Variants in PARD3B observed in about 807,000 individuals in gnomAD.
The protein encoded by PARD3B is partitioning defective 3 homolog B.
In PARD3B, 103 loss-of-function variants were observed where a neutral mutation model predicts 130.2. The observed-to-expected ratio is 0.79, with a 90% confidence interval of 0.67 to 0.93. The LOEUF (loss-of-function observed/expected upper bound fraction) is 0.93, where lower values mean the gene tolerates loss of function less well. Among genes scored for constraint, PARD3B ranks in the 40% least tolerant of loss-of-function variants. The probability of loss-of-function intolerance (pLI) is 0.00; values close to 1 mark genes in which losing one functional copy is unlikely to be tolerated. For synonymous variants in PARD3B, 583 were observed against 553.2 expected (o/e 1.05, Z -0.76); for missense variants, 1,609 against 1,499.2 (o/e 1.07, Z -1.21).
intron 2 of PARD3B, among the ~76,000 whole-genome samples, chr2:204,936,837 G>A (rs1346634765): frequency 2.0e-5 from 3 of 152,198 alleles, no homozygotes; most frequent in South Asian, 4.1e-4. Context: ...TGCCATATGG[G>A]CATGAAACCG....
intron 3 of PARD3B, among the ~76,000 whole-genome samples, chr2:205,036,307 AT>A (rs1697876676): frequency 6.8e-6 from 1 of 147,350 alleles, no homozygotes; most frequent in Non-Finnish European, 1.5e-5. Flanking sequence ...ATATATAAAA[AT>A]ATATGTATAT....
intron 22 of PARD3B, among the ~76,000 whole-genome samples, chr2:205,573,470 G>T (rs12999840): frequency 1.4e-3 from 209 of 152,126 alleles, no homozygotes; most frequent in Non-Finnish European, 2.6e-3. Context: ...CCAATGGATG[G>T]CACATAGAGA....
At chr2:205,216,511 A>G (rs1473368643) in intron 15 of PARD3B, among the ~76,000 whole-genome samples, 1 of 152,206 alleles carries the variant, frequency 6.6e-6, no homozygotes, top group Non-Finnish European at 1.5e-5. Context: ...CACATATAAT[A>G]AAATCAATTG....
chr2:205,196,327 G>A (rs1210916891), intron 15 of PARD3B, among the ~76,000 whole-genome samples: 1 of 152,068 alleles, frequency 6.6e-6, no homozygotes, highest in Non-Finnish European at 1.5e-5. Context: ...TTCTTTTGTT[G>A]TTGTTTTGGT....
intron 3 of PARD3B, among the ~76,000 whole-genome samples, chr2:205,017,547 G>A (rs992038556): frequency 6.6e-6 from 1 of 152,018 alleles, no homozygotes; most frequent in African/African-American, 2.4e-5. Context: ...TGCACTCATT[G>A]TTTTCTACTT....
intron 3 of PARD3B, among the ~76,000 whole-genome samples, chr2:204,997,180 G>A (rs1389846378): frequency 6.6e-6 from 1 of 152,184 alleles, no homozygotes; most frequent in East Asian, 1.9e-4. Flanking sequence ...ATCTGTCAGG[G>A]TAGGTTCCTG....
At chr2:204,915,673 G>C (rs1211398636) in intron 2 of PARD3B, among the ~76,000 whole-genome samples, 2 of 152,128 alleles carry the variant, frequency 1.3e-5, no homozygotes, top group Admixed American at 1.3e-4. Context: ...CAAGTTCTGA[G>C]TCACATATCT....
intron 1 of PARD3B, among the ~76,000 whole-genome samples, chr2:204,592,214 C>T (rs1559173681): frequency 6.6e-6 from 1 of 152,204 alleles, no homozygotes; most frequent in Non-Finnish European, 1.5e-5. Context: ...AAATGCTAGA[C>T]AAACTCACAT....
intron 2 of PARD3B, among the ~76,000 whole-genome samples, chr2:204,919,411 C>T (rs2047577224): frequency 6.6e-6 from 1 of 152,200 alleles, no homozygotes; most frequent in African/African-American, 2.4e-5. Flanking sequence ...CCCTGACCCT[C>T]AAACCTCCCA....
At chr2:205,022,948 A>G (rs1559363513) in intron 3 of PARD3B, among the ~76,000 whole-genome samples, 1 of 152,152 alleles carries the variant, frequency 6.6e-6, no homozygotes, top group Non-Finnish European at 1.5e-5. Context: ...TTCAACAGCT[A>G]TTTATTTAGA....
intron 1 of PARD3B, among the ~76,000 whole-genome samples, chr2:204,667,776 C>A (rs895237288): frequency 1.3e-5 from 2 of 152,232 alleles, no homozygotes; most frequent in East Asian, 3.9e-4. Flanking sequence ...TCTTTATATT[C>A]CCACTATGCC....
intron 2 of PARD3B, among the ~76,000 whole-genome samples, chr2:204,959,808 A>G (rs1489382578): frequency 6.6e-6 from 1 of 152,184 alleles, no homozygotes; most frequent in Non-Finnish European, 1.5e-5. Flanking sequence ...GCTAGTGCCT[A>G]ATCTTTAAAT....
intron 16 of PARD3B, among the ~76,000 whole-genome samples, chr2:205,283,795 T>G (rs2105846431): frequency 6.6e-6 from 1 of 152,342 alleles, no homozygotes; most frequent in Non-Finnish European, 1.5e-5. Context: ...ATTCACATTG[T>G]TGTGCAGCCA....
intron 1 of PARD3B, among the ~76,000 whole-genome samples, chr2:204,570,878 A>G (rs1261461300): frequency 2.7e-5 from 4 of 149,136 alleles, no homozygotes; most frequent in African/African-American, 7.6e-5. Context: ...TGAGGTGTAT[A>G]AGCTGTTGCA....
intron 2 of PARD3B, among the ~76,000 whole-genome samples, chr2:204,802,897 G>T (rs2042622029): frequency 6.6e-6 from 1 of 152,034 alleles, no homozygotes; most frequent in South Asian, 2.1e-4. Context: ...TAGATGATGG[G>T]TTGATGGGTG....
At chr2:205,053,202 C>G (rs113876280) in intron 4 of PARD3B, among the ~76,000 whole-genome samples, 3 of 151,412 alleles carry the variant, frequency 2.0e-5, no homozygotes, top group Non-Finnish European at 2.9e-5. Flanking sequence ...TCAGTATTGC[C>G]CCTGTATTAA....
chr2:205,269,521 T>C lies in PARD3B; in HGVS notation c.2185+23699T>C, dbSNP rs2040637639. On this transcript the variant is annotated intron_variant, in intron 16 of 22. Transcript: ENST00000406610. This position sits in a 1 kb window ranked among gnomAD's most constrained non-coding sequence, Gnocchi z 4.7. ...ATTCAGGAATTTATATTCAGGAATT[T>C]CACTGATTTTTTTTTAAAGTTCCTT... Among the ~76,000 whole-genome samples, 1 of 152,126 alleles carries C rather than the reference T, an allele frequency of 6.6e-6. No individual in the cohort carries two copies. Among genetic ancestry groups the C allele is most frequent in the South Asian group, 2.1e-4 (1 of 4,826 alleles).
chr2:205,498,931 A>C (rs1245378442), intron 20 of PARD3B, among the ~76,000 whole-genome samples: 2 of 152,198 alleles, frequency 1.3e-5, no homozygotes, highest in African/African-American at 2.4e-5. Flanking sequence ...AGTCTTCTGT[A>C]TCCCTCTCTG....
chr2:205,175,241 C>T (rs2035402376), intron 12 of PARD3B, among the ~76,000 whole-genome samples: 1 of 152,084 alleles, frequency 6.6e-6, no homozygotes, highest in Non-Finnish European at 1.5e-5. Context: ...TAAATCAAAG[C>T]ACAAGGCTGA....
Sources: gnomAD v4.1 joint callset for allele counts (sites outside exome capture counted in the v4.1 genomes callset) on GRCh38, gnomAD v4.1.1 for gene constraint, Gnocchi (gnomAD v3.1) non-coding constraint, MANE v1.5 for transcripts, NCBI Gene and HGNC (gene_info 2026-07-23, HGNC 2026-07-21) for gene names.